The following IGF2BP2 variants were observed in gnomAD, a reference collection of about 807,000 sequenced individuals.
IGF2BP2 encodes the protein insulin like growth factor 2 mRNA binding protein 2.
A neutral mutation model predicts 75.8 loss-of-function variants in IGF2BP2; 17 were observed. The observed-to-expected ratio is 0.22, with a 90% CI of 0.15 to 0.34. The LOEUF (loss-of-function observed/expected upper bound fraction) is 0.34. IGF2BP2 is among the 10% of genes least tolerant of loss of function. The pLI, the probability that IGF2BP2 is intolerant of heterozygous loss-of-function variation, is 1.00. For missense variants in IGF2BP2, 516 were observed against 772.4 expected (o/e 0.67, Z 3.93); for synonymous variants, 288 against 295.6 (o/e 0.97, Z 0.26).
At position 185,742,857 on chromosome 3, in the gene IGF2BP2, T is replaced by C. The variant is rs572027517; in HGVS notation, c.240-44510A>G. Among the ~76,000 whole-genome samples the C allele has an allele frequency of 9.2e-5, 14 of 152,194 alleles. No homozygotes were observed. The South Asian group carries it at 1.9e-3, about 20-fold the overall frequency. ...GGCTCATGCCTGTAATCCCAGCACT[T>C]TGGGCGGCTGAGGCGGGCAGATCAC... On this transcript the variant is annotated intron_variant, in intron 2 of 15. Coordinates refer to ENST00000382199, the MANE Select transcript of IGF2BP2 (RefSeq NM_006548.6).
At chr3:185,689,220 T>C (rs1214134488) in intron 6 of IGF2BP2, 135 bp downstream of exon 6, 2 of 886,008 alleles carry the variant, frequency 2.3e-6, no homozygotes. Flanking sequence ...GTAGTCCTGT[T>C]GAAAGAAGCC....
At chr3:185,707,758 A>C (rs935821079) in intron 2 of IGF2BP2, among the ~76,000 whole-genome samples, 1 of 152,108 alleles carries the variant, frequency 6.6e-6, no homozygotes, top group Non-Finnish European at 1.5e-5. Flanking sequence ...ACCCTAACAC[A>C]AAAAAATGGT....
At chr3:185,763,550 T>C (rs960594665) in intron 2 of IGF2BP2, among the ~76,000 whole-genome samples, 3 of 152,228 alleles carry the variant, frequency 2.0e-5, no homozygotes, top group Non-Finnish European at 4.4e-5. Flanking sequence ...GAATGCATAT[T>C]ATGTGAATGT....
At position 185,675,348 on chromosome 3, in the gene IGF2BP2, T is replaced by A. The variant is rs1372039158; in HGVS notation, c.1019A>T (p.Glu340Val). The A allele has an allele frequency of 6.8e-6, 11 of 1,612,304 alleles. No homozygotes were observed. The highest frequency in any genetic ancestry group is 9.3e-6 in the Non-Finnish European group (11 of 1,179,712). ...GGCCTCACGCAGCTTCTTCATAATC[T>A]CTATCTCAGCACTGGCACAGGCCTC... Reference protein sequence around the residue: ...TVEACASAEIEIMKKLREAFE... With the variant: ...TVEACASAEIVIMKKLREAFE... The change falls in exon 9 of 16, where the codon GAG becomes GTG. Residue 340 changes from glutamate to valine, a missense_variant. This residue lies in a region of IGF2BP2 where 312 missense variants were observed against 474.5 expected (regional missense o/e 0.66). Transcript: ENST00000382199.
chr3:185,808,963 T>C (rs1201565315), intron 2 of IGF2BP2, among the ~76,000 whole-genome samples: 1 of 152,224 alleles, frequency 6.6e-6, no homozygotes, highest in Non-Finnish European at 1.5e-5. Flanking sequence ...TTGGTAGGTA[T>C]TGTTAGACTT....
intron 10 of IGF2BP2, 43 bp downstream of exon 10, chr3:185,672,498 G>A (rs1033373921): frequency 3.1e-6 from 5 of 1,594,600 alleles, no homozygotes; most frequent in Non-Finnish European, 4.3e-6. Flanking sequence ...CTGCCTGGAG[G>A]TGCCCAGCGC....
At chr3:185,668,696 T>C (rs1306501305) in intron 10 of IGF2BP2, among the ~76,000 whole-genome samples, 2 of 151,652 alleles carry the variant, frequency 1.3e-5, no homozygotes, top group African/African-American at 4.8e-5. Context: ...AGAATATCTG[T>C]TGAAAATATT....
intron 2 of IGF2BP2, among the ~76,000 whole-genome samples, chr3:185,704,451 A>C (rs1560324239): frequency 2.0e-5 from 3 of 151,930 alleles, no homozygotes; most frequent in Admixed American, 6.6e-5. Flanking sequence ...CCCTCTACCC[A>C]ACTGTCTCTT....
chr3:185,688,637 T>C (rs1721485299), intron 6 of IGF2BP2, among the ~76,000 whole-genome samples: 1 of 152,156 alleles, frequency 6.6e-6, no homozygotes, highest in South Asian at 2.1e-4. Flanking sequence ...GTCTCTGTAA[T>C]ACAGAGGGTG....
intron 2 of IGF2BP2, among the ~76,000 whole-genome samples, chr3:185,798,033 CT>C (rs1737672116): frequency 6.6e-6 from 1 of 151,712 alleles, no homozygotes; most frequent in Non-Finnish European, 1.5e-5. Flanking sequence ...GAAATCCCAT[CT>C]CTATTAAGAA....
At chr3:185,708,126 C>T (rs137904953) in intron 2 of IGF2BP2, among the ~76,000 whole-genome samples, 1 of 152,268 alleles carries the variant, frequency 6.6e-6, no homozygotes, top group Non-Finnish European at 1.5e-5. Flanking sequence ...CAGAGAAATA[C>T]ACTGAGGAGC....
chr3:185,752,220 A>C (rs1258912221), intron 2 of IGF2BP2, among the ~76,000 whole-genome samples: 3 of 152,160 alleles, frequency 2.0e-5, no homozygotes, highest in Non-Finnish European at 4.4e-5. Context: ...AGGGTCCAGC[A>C]CAATGACACA....
At chr3:185,804,422 G>T (rs1260121254) in intron 2 of IGF2BP2, among the ~76,000 whole-genome samples, 1 of 144,704 alleles carries the variant, frequency 6.9e-6, no homozygotes, top group Non-Finnish European at 1.5e-5. Flanking sequence ...ACAAGAGCGA[G>T]ACTTTGTCTC....
chr3:185,715,573 C>G (rs1173506884), intron 2 of IGF2BP2, among the ~76,000 whole-genome samples: 1 of 152,180 alleles, frequency 6.6e-6, no homozygotes, highest in Admixed American at 6.5e-5. Context: ...TAATTCGACC[C>G]TGTTCTGTGG....
At chr3:185,762,036 TGTTA>T (rs772593189) in intron 2 of IGF2BP2, among the ~76,000 whole-genome samples, 2 of 152,140 alleles carry the variant, frequency 1.3e-5, no homozygotes, top group Non-Finnish European at 2.9e-5. Context: ...ATTTTTTGCT[TGTTA>T]GTATTTGTTT....
chr3:185,710,422 G>C (rs966480325), intron 2 of IGF2BP2, among the ~76,000 whole-genome samples: 1 of 152,002 alleles, frequency 6.6e-6, no homozygotes, highest in Non-Finnish European at 1.5e-5. Flanking sequence ...TTACAGGAAG[G>C]GATATGCTGA....
chr3:185,787,485 C>A (rs915279128), intron 2 of IGF2BP2, among the ~76,000 whole-genome samples: 3 of 152,222 alleles, frequency 2.0e-5, no homozygotes, highest in Admixed American at 2.0e-4. Context: ...GTAATCCCTG[C>A]ACTTTGGGAG....
intron 2 of IGF2BP2, chr3:185,717,560 G>A (rs1188172713): frequency 6.6e-6 from 1 of 152,214 alleles, no homozygotes; most frequent in Non-Finnish European, 1.5e-5. Flanking sequence ...AAAAAGGTTT[G>A]TAAAGGCTAG....
intron 7 of IGF2BP2, among the ~76,000 whole-genome samples, chr3:185,677,673 T>A (rs1719764699): frequency 6.6e-6 from 1 of 152,140 alleles, no homozygotes; most frequent in African/African-American, 2.4e-5. Context: ...ATTGTAAAGA[T>A]GCTCAATGAA....
Sources: allele counts gnomAD v4.1 joint callset (sites outside exome capture counted in the v4.1 genomes callset), GRCh38; gene constraint gnomAD v4.1.1; regional missense constraint gnomAD v4.1.1; transcripts MANE v1.5; gene names NCBI Gene and HGNC (gene_info 2026-07-23, HGNC 2026-07-21).